NRG3: variants seen among roughly 807,000 people sequenced by gnomAD.
NRG3 encodes the protein neuregulin 3.
In NRG3, 31 loss-of-function variants were observed where a neutral mutation model predicts 66.9. The observed-to-expected ratio is 0.46, with a 90% confidence interval of 0.35 to 0.63. The LOEUF is 0.63. NRG3 is among the 20% of genes least tolerant of loss of function. The probability of loss-of-function intolerance (pLI) is 0.00; values close to 1 mark genes in which losing one functional copy is unlikely to be tolerated. For missense variants in NRG3, 910 were observed against 878.9 expected (o/e 1.04, Z -0.45); for synonymous variants, 393 against 359.4 (o/e 1.09, Z -1.06).
At chr10:82,937,086 C>T (rs1848143838) in intron 4 of NRG3, among the ~76,000 whole-genome samples, 1 of 152,182 alleles carries the variant, frequency 6.6e-6, no homozygotes, top group Admixed American at 6.5e-5. Context: ...TTGACTACAA[C>T]ACTCTTTTAA....
In NRG3 at chr10:82,315,953, T is replaced by C. The variant is rs565816899; in HGVS notation, c.824-42786T>C. On this transcript the variant is annotated intron_variant, in intron 1 of 8. Coordinates refer to ENST00000372141, the MANE Select transcript of NRG3 (RefSeq NM_001010848.4). ...GGAGCCACTGCGCCCGGCCCATATA[T>C]GTGATTTTTACCATTTGTCCATAGT... Among the ~76,000 whole-genome samples the C allele has an allele frequency of 7.9e-5, 12 of 152,246 alleles. No individual in the cohort carries two copies. The East Asian group carries it at 2.1e-3, about 27-fold the overall frequency.
At chr10:82,877,663 A>G (rs1415458343) in intron 4 of NRG3, among the ~76,000 whole-genome samples, 1 of 150,986 alleles carries the variant, frequency 6.6e-6, no homozygotes, top group African/African-American at 2.4e-5. Context: ...TGCTGGGATT[A>G]CAGGCATGAG....
chr10:82,675,200 G>A (rs2053593471), intron 2 of NRG3, among the ~76,000 whole-genome samples: 2 of 151,980 alleles, frequency 1.3e-5, no homozygotes, highest in Admixed American at 1.3e-4. Flanking sequence ...CAGGTGGTCC[G>A]CCCACCTCGG....
intron 2 of NRG3, among the ~76,000 whole-genome samples, chr10:82,610,074 C>T (rs2048212843): frequency 6.6e-6 from 1 of 152,306 alleles, no homozygotes; most frequent in Admixed American, 6.5e-5. Context: ...GTCCCTGTCT[C>T]CTTGCTGGCT....
intron 5 of NRG3, among the ~76,000 whole-genome samples, chr10:82,955,635 A>G (rs1477145980): frequency 6.6e-6 from 1 of 151,890 alleles, no homozygotes; most frequent in African/African-American, 2.4e-5. Context: ...AGAGGAGGAT[A>G]AAAACTGGTA....
At chr10:82,461,761 C>T (rs1294367768) in intron 2 of NRG3, among the ~76,000 whole-genome samples, 5 of 152,174 alleles carry the variant, frequency 3.3e-5, no homozygotes, top group African/African-American at 1.2e-4. Context: ...AGGCATATGG[C>T]ATAAGCTTTA....
chr10:82,854,851 A>T (rs1334433918), intron 3 of NRG3, among the ~76,000 whole-genome samples: 1 of 152,088 alleles, frequency 6.6e-6, no homozygotes, highest in African/African-American at 2.4e-5. Flanking sequence ...CTCACCATGG[A>T]TCTTCTCTTT....
intron 1 of NRG3, among the ~76,000 whole-genome samples, chr10:82,270,183 G>C (rs1246633135): frequency 6.6e-6 from 1 of 152,090 alleles, no homozygotes; most frequent in Non-Finnish European, 1.5e-5. Flanking sequence ...CTGCACTCTG[G>C]AATACATCCA....
intron 1 of NRG3, among the ~76,000 whole-genome samples, chr10:81,918,824 A>AAAAAAAAAAAAC (rs796956624): frequency 4.6e-5 from 7 of 151,522 alleles, no homozygotes; most frequent in African/African-American, 1.7e-4. Flanking sequence ...TTTGCAAAAA[A>AAAAAAAAAAAAC]CAAAAACAAA....
At chr10:82,205,546 G>A (rs1055041665) in intron 1 of NRG3, among the ~76,000 whole-genome samples, 1 of 152,158 alleles carries the variant, frequency 6.6e-6, no homozygotes, top group Admixed American at 6.5e-5. Flanking sequence ...AGTCCAGGAA[G>A]GAGGTTCAAA....
At chr10:82,710,418 T>A (rs1303312369) in intron 2 of NRG3, among the ~76,000 whole-genome samples, 1 of 151,940 alleles carries the variant, frequency 6.6e-6, no homozygotes, top group Non-Finnish European at 1.5e-5. Flanking sequence ...AAACCAAGTC[T>A]CTACCAAAAT....
At chr10:82,795,757 G>C (rs2060776440) in intron 3 of NRG3, among the ~76,000 whole-genome samples, 1 of 152,108 alleles carries the variant, frequency 6.6e-6, no homozygotes. Flanking sequence ...TAGGATTACT[G>C]AGGTAAACTG....
chr10:82,123,015 A>C (rs2068195737), intron 1 of NRG3, among the ~76,000 whole-genome samples: 1 of 151,672 alleles, frequency 6.6e-6, no homozygotes, highest in South Asian at 2.1e-4. Flanking sequence ...GAAAAAAAAA[A>C]ACACATAAGA....
At chr10:82,927,509 A>G (rs1286351271) in intron 4 of NRG3, among the ~76,000 whole-genome samples, 2 of 151,804 alleles carry the variant, frequency 1.3e-5, no homozygotes, top group African/African-American at 2.4e-5. Context: ...CCACCCCCTG[A>G]CAGGCCCTGG....
intron 2 of NRG3, among the ~76,000 whole-genome samples, chr10:82,499,218 A>G (rs983345326): frequency 3.9e-5 from 6 of 152,158 alleles, no homozygotes; most frequent in Non-Finnish European, 7.3e-5. Flanking sequence ...TGTATTCCCT[A>G]CAATCTGAGC....
intron 4 of NRG3, among the ~76,000 whole-genome samples, chr10:82,946,765 C>A (rs1849066109): frequency 1.3e-5 from 2 of 152,010 alleles, no homozygotes; most frequent in South Asian, 4.1e-4. Flanking sequence ...CATATACATG[C>A]ATATATATGA....
intron 2 of NRG3, among the ~76,000 whole-genome samples, chr10:82,482,418 C>T (rs999512443): frequency 1.3e-5 from 2 of 152,122 alleles, no homozygotes; most frequent in African/African-American, 4.8e-5. Context: ...CCCCCTTTTC[C>T]AGTATTGAGC....
Position 82,929,966 on chromosome 10 carries a change from C to T in NRG3, c.1055-21503C>T, listed in dbSNP as rs186326660. ...TTGATGGGCTTTTAGTTCTCGCAGA[C>T]CCCCCTGCTGGGTTGCCTAAACTTG... On this transcript the variant is annotated intron_variant, in intron 4 of 8. Coordinates refer to ENST00000372141, the MANE Select transcript of NRG3 (RefSeq NM_001010848.4). Among the ~76,000 whole-genome samples the T allele has an allele frequency of 3.2e-3, 490 of 152,030 alleles. 7 individuals carry two copies. The highest frequency in any genetic ancestry group is 0.012 in the African/African-American group (479 of 41,466).
intron 4 of NRG3, among the ~76,000 whole-genome samples, chr10:82,883,080 C>T (rs1464256230): frequency 2.6e-5 from 4 of 152,166 alleles, no homozygotes. Flanking sequence ...TTATGATGCT[C>T]TCAATGTGTA....
Sources: gnomAD v4.1 joint callset for allele counts (sites outside exome capture counted in the v4.1 genomes callset) on GRCh38, gnomAD v4.1.1 for gene constraint, MANE v1.5 for transcripts, NCBI Gene and HGNC (gene_info 2026-07-23, HGNC 2026-07-21) for gene names.